Variants in NCOA1 observed in about 807,000 individuals in gnomAD.
The protein encoded by NCOA1 is Hin-2 protein.
In NCOA1, 35 loss-of-function variants were observed where a neutral mutation model predicts 150.9. That is an observed-to-expected ratio of 0.23 (90% CI 0.18 to 0.31). The LOEUF (loss-of-function observed/expected upper bound fraction) is 0.31, where lower values mean the gene tolerates loss of function less well. Ranked by LOEUF, NCOA1 falls within the 10% of genes least tolerant of loss-of-function variation. NCOA1 has a pLI of 1.00. For synonymous variants in NCOA1, 590 were observed against 630.0 expected, an observed-to-expected ratio of 0.94 and a Z score of 0.95; for missense variants, 1,491 against 1,749.3, an observed-to-expected ratio of 0.85 and a Z score of 2.63.
chr2:24,726,346 G>A (rs903608731), intron 14 of NCOA1, among the ~76,000 whole-genome samples: 1 of 152,032 alleles, frequency 6.6e-6, no homozygotes, highest in Admixed American at 6.6e-5. Context: ...CTGGATAACA[G>A]TAACCTATGT....
At chr2:24,657,612 G>T (rs1671003906) in intron 4 of NCOA1, among the ~76,000 whole-genome samples, 1 of 152,128 alleles carries the variant, frequency 6.6e-6, no homozygotes, top group African/African-American at 2.4e-5. Context: ...TCAGAAAAGG[G>T]CTAGAAGCAG....
At chr2:24,749,411 G>A (rs1051729568) in intron 19 of NCOA1, among the ~76,000 whole-genome samples, 2 of 152,218 alleles carry the variant, frequency 1.3e-5, no homozygotes, top group African/African-American at 2.4e-5. Flanking sequence ...GCTGAGAGCT[G>A]ATGCGCGCAC....
intron 20 of NCOA1, among the ~76,000 whole-genome samples, chr2:24,755,939 A>C (rs1322633138): frequency 6.6e-6 from 1 of 152,098 alleles, no homozygotes; most frequent in Non-Finnish European, 1.5e-5. Flanking sequence ...TCTCATTAGA[A>C]AATAGGCATA....
At chr2:24,581,106 G>A (rs184313666) in intron 2 of NCOA1, among the ~76,000 whole-genome samples, 2 of 152,320 alleles carry the variant, frequency 1.3e-5, no homozygotes, top group African/African-American at 4.8e-5. Flanking sequence ...GCTGGGAGGG[G>A]CAGGAATGTG....
At chr2:24,723,331 G>A (rs1298558907) in intron 14 of NCOA1, among the ~76,000 whole-genome samples, 1 of 152,086 alleles carries the variant, frequency 6.6e-6, no homozygotes, top group Non-Finnish European at 1.5e-5. Context: ...TCTTACAGTT[G>A]TACCAGAATT....
intron 15 of NCOA1, among the ~76,000 whole-genome samples, chr2:24,726,989 T>A (rs1271817005): frequency 6.6e-6 from 1 of 151,460 alleles, no homozygotes; most frequent in Admixed American, 6.6e-5. Context: ...ATACAAAAAA[T>A]TTGCCAGGCG....
At chr2:24,643,383 C>A (rs924169276) in intron 3 of NCOA1, among the ~76,000 whole-genome samples, 1 of 152,176 alleles carries the variant, frequency 6.6e-6, no homozygotes, top group Non-Finnish European at 1.5e-5. Context: ...GCCTTGGTCA[C>A]TTTCCAATTT....
chr2:24,522,998 TATATC>T (rs1393037466), intron 1 of NCOA1, among the ~76,000 whole-genome samples: 7 of 152,216 alleles, frequency 4.6e-5, no homozygotes, highest in Non-Finnish European at 8.8e-5. Flanking sequence ...GTGCTTATCT[TATATC>T]AGGCATTATT....
intron 3 of NCOA1, among the ~76,000 whole-genome samples, chr2:24,607,355 C>A (rs887381090): frequency 6.6e-6 from 1 of 150,606 alleles, no homozygotes; most frequent in South Asian, 2.1e-4. Context: ...CATCTATGAT[C>A]AAGAGTGAGA....
intron 21 of NCOA1, among the ~76,000 whole-genome samples, chr2:24,759,293 G>T (rs1272948389): frequency 2.0e-5 from 3 of 151,980 alleles, no homozygotes; most frequent in Non-Finnish European, 2.9e-5. Context: ...AAAAGGCCTG[G>T]TCAAAAAAAG....
intron 1 of NCOA1, among the ~76,000 whole-genome samples, chr2:24,544,410 G>T (rs1665524487): frequency 6.6e-6 from 1 of 152,122 alleles, no homozygotes; most frequent in Admixed American, 6.5e-5. Flanking sequence ...GATGGAAGAG[G>T]TGATCCAGGT....
chr2:24,585,532 A>G (rs1308253824), intron 3 of NCOA1, among the ~76,000 whole-genome samples: 1 of 152,148 alleles, frequency 6.6e-6, no homozygotes, highest in Non-Finnish European at 1.5e-5. Flanking sequence ...CTAAAAGATT[A>G]AAAAAGGAAT....
At chr2:24,662,718 A>C (rs1176319159) in intron 5 of NCOA1, among the ~76,000 whole-genome samples, 1 of 152,164 alleles carries the variant, frequency 6.6e-6, no homozygotes, top group African/African-American at 2.4e-5. Context: ...TAGAAAAGTT[A>C]ACTTTCCACT....
chr2:24,641,842 A>T (rs571387617), intron 3 of NCOA1, among the ~76,000 whole-genome samples: 1 of 151,948 alleles, frequency 6.6e-6, no homozygotes, highest in African/African-American at 2.4e-5. Context: ...TGGTTTCTCT[A>T]TATTTATTCT....
At chr2:24,741,145 A>G (rs964803171) in intron 18 of NCOA1, among the ~76,000 whole-genome samples, 2 of 151,916 alleles carry the variant, frequency 1.3e-5, no homozygotes, top group African/African-American at 2.4e-5. Flanking sequence ...TCCTTTTTTA[A>G]TGGTATTTGT....
chr2:24,549,395 G>A (rs916564749), intron 1 of NCOA1, among the ~76,000 whole-genome samples: 6 of 152,138 alleles, frequency 3.9e-5, no homozygotes, highest in African/African-American at 1.4e-4. Flanking sequence ...GGGAGGGGCT[G>A]CCACAAAGGT....
intron 3 of NCOA1, among the ~76,000 whole-genome samples, chr2:24,627,305 C>CT (rs1026255269): frequency 6.6e-6 from 1 of 151,618 alleles, no homozygotes; most frequent in South Asian, 2.1e-4. Context: ...ATTAAAATCT[C>CT]TAAGTACAGA....
At chr2:24,508,830 A>G (rs1312192671) in intron 1 of NCOA1, among the ~76,000 whole-genome samples, 1 of 152,172 alleles carries the variant, frequency 6.6e-6, no homozygotes, top group Non-Finnish European at 1.5e-5. Flanking sequence ...TAGTATTGTG[A>G]GACACACAAA....
chr2:24,636,187 A>C (rs1368948249), intron 3 of NCOA1, among the ~76,000 whole-genome samples: 2 of 152,186 alleles, frequency 1.3e-5, no homozygotes, highest in Non-Finnish European at 2.9e-5. Flanking sequence ...TTAATCTGGG[A>C]GTGGACTAAC....
Sources: gnomAD v4.1 joint callset for allele counts (sites outside exome capture counted in the v4.1 genomes callset) on GRCh38, gnomAD v4.1.1 for gene constraint, MANE v1.5 for transcripts, NCBI Gene and HGNC (gene_info 2026-07-23, HGNC 2026-07-21) for gene names.